Variants in MILR1 observed in about 807,000 individuals in gnomAD.
The protein encoded by MILR1 is mast cell immunoglobulin like receptor 1.
MILR1 carries 31 observed loss-of-function variants against 18.5 expected under a neutral mutation model. That is an observed-to-expected ratio of 1.68 (90% CI 1.26 to 2.26). The LOEUF (loss-of-function observed/expected upper bound fraction) is 2.26, where lower values mean the gene tolerates loss of function less well. MILR1 is among the 30% of genes most tolerant of loss of function. The probability of loss-of-function intolerance (pLI) is 0.00; values close to 1 mark genes in which losing one functional copy is unlikely to be tolerated. For missense variants in MILR1, 257 were observed against 157.4 expected (o/e 1.63, Z -3.38); for synonymous variants, 85 against 56.2 (o/e 1.51, Z -2.30).
chr17:64,480,782 A>G, the MILR1 span, among the ~76,000 whole-genome samples: 1 of 152,174 alleles, frequency 6.6e-6, no homozygotes, highest in Non-Finnish European at 1.5e-5. Flanking sequence ...GCCCTAGGTT[A>G]TACCACCAAG....
At chr17:64,461,219 G>T in intron 5 of MILR1, among the ~76,000 whole-genome samples, 1 of 151,966 alleles carries the variant, frequency 6.6e-6, no homozygotes, top group South Asian at 2.1e-4. Flanking sequence ...GTGCCAAGAA[G>T]AACTCCACAT....
chr17:64,487,343 G>A, the MILR1 span: 1 of 152,220 alleles, frequency 6.6e-6, no homozygotes, highest in Non-Finnish European at 1.5e-5. Context: ...GCTGGGAGCA[G>A]TGGCTCATGC....
intron 5 of MILR1, among the ~76,000 whole-genome samples, 184 bp downstream of exon 5, chr17:64,461,116 G>C (rs896773707): frequency 5.1e-4 from 78 of 152,238 alleles, no homozygotes; most frequent in African/African-American, 1.8e-3. Context: ...TTCATGCAGA[G>C]GGTAATTCTT....
chr17:64,477,820 A>G, the MILR1 span: 10 of 1,569,244 alleles, frequency 6.4e-6, no homozygotes, highest in African/African-American at 1.4e-5. Context: ...CAAATATAAA[A>G]ATCTATACAT....
At chr17:64,482,119 T>TTTTTC in the MILR1 span, among the ~76,000 whole-genome samples, 1 of 145,186 alleles carries the variant, frequency 6.9e-6, no homozygotes, top group African/African-American at 2.6e-5. Context: ...TTTTTTTTTT[T>TTTTTC]CTGAAGCAGG....
downstream of MILR1, among the ~76,000 whole-genome samples, chr17:64,469,154 AAAG>A (rs1363070343): frequency 1.3e-5 from 2 of 152,032 alleles, no homozygotes; most frequent in East Asian, 1.9e-4. Context: ...GAAAGAGAGA[AAAG>A]AAGAGAAACA....
At chr17:64,470,742 G>A (rs1483354901), downstream of MILR1, among the ~76,000 whole-genome samples, 2 of 152,142 alleles carry the variant, frequency 1.3e-5, no homozygotes, top group African/African-American at 4.8e-5. Flanking sequence ...CCTTCCAGCT[G>A]GCTGTGATAA....
downstream of MILR1, among the ~76,000 whole-genome samples, chr17:64,472,465 C>CA (rs71158332): frequency 0.13 from 1,749 of 13,888 alleles, 577 homozygotes; most frequent in Non-Finnish European, 0.23. Context: ...GACTCCATCT[C>CA]AAAAAAAAAA....
At chr17:64,475,785 C>A in the MILR1 span, among the ~76,000 whole-genome samples, 2 of 147,786 alleles carry the variant, frequency 1.4e-5, no homozygotes, top group African/African-American at 5.0e-5. Context: ...AAAAAAGAAA[C>A]AAACAGACAC....
In MILR1 at chr17:64,465,447, C is replaced by A; in HGVS notation, c.764-5C>A. On this transcript the variant is annotated splice_polypyrimidine_tract_variant and splice_region_variant and intron_variant, in intron 5 of 9. Coordinates refer to ENST00000619286, the MANE Select transcript of MILR1 (RefSeq NM_001085423.2). ...TAATTTGATGATTCCTACCTATTTA[C>A]GTAGGAAAAGCTATGAGAAATAATG... 1 of 1,571,146 alleles carries A rather than the reference C, an allele frequency of 6.4e-7. No individual in the cohort carries two copies. The highest frequency in any genetic ancestry group is 8.7e-7 in the Non-Finnish European group (1 of 1,145,618).
At chr17:64,467,901 C>A in intron 9 of MILR1, 1 of 273,268 alleles carries the variant, frequency 3.7e-6, no homozygotes, top group Non-Finnish European at 6.6e-6. Context: ...TGCCACTGCA[C>A]TACAGCCTGG....
intron 5 of MILR1, among the ~76,000 whole-genome samples, chr17:64,461,239 GTTTA>G (rs1254231430): frequency 3.3e-5 from 5 of 151,842 alleles, no homozygotes; most frequent in African/African-American, 7.3e-5. Flanking sequence ...TTTGGTATTT[GTTTA>G]TTTATTTATT....
At chr17:64,451,721 T>C (rs915801562) in intron 2 of MILR1, among the ~76,000 whole-genome samples, 3 of 151,734 alleles carry the variant, frequency 2.0e-5, no homozygotes, top group Admixed American at 1.3e-4. Flanking sequence ...TCACTTGAGG[T>C]CAGGAGTTCA....
At chr17:64,457,899 C>T (rs1482475759) in intron 4 of MILR1, among the ~76,000 whole-genome samples, 8 of 152,116 alleles carry the variant, frequency 5.3e-5, no homozygotes, top group Non-Finnish European at 1.2e-4. Flanking sequence ...GCTGGCAGAT[C>T]ACTTGAAGGG....
At chr17:64,478,248 A>G in the MILR1 span, among the ~76,000 whole-genome samples, 1 of 152,186 alleles carries the variant, frequency 6.6e-6, no homozygotes, top group Non-Finnish European at 1.5e-5. Flanking sequence ...GTACCTCAAC[A>G]CATCATTTGG....
Position 64,452,837 on chromosome 17 carries a change from A to G in MILR1, c.338A>G (p.Tyr113Cys). 2.1e-6 allele frequency: 1 copy of G among 475,246 alleles called. No homozygotes were observed. Among genetic ancestry groups the G allele is most frequent in the Non-Finnish European group, 3.9e-6 (1 of 259,006 alleles). The allele number at this position is 475,246 out of a possible 1,614,324, so 29.4% of individuals were successfully genotyped here. A position where few individuals can be genotyped will look rare whatever the true frequency, so the allele number is the denominator to read the frequency against. The change falls in exon 3 of 10, where the codon TAC (tyrosine) becomes TGC (cysteine). Residue 113 changes from tyrosine to cysteine, a missense_variant. By Grantham distance (194) the Tyr-to-Cys change is radical (BLOSUM62 -2). Transcript: ENST00000619286. ...CKAQVTSCSKYSRDFSFTIVD... is the reference protein window; with the variant it reads ...CKAQVTSCSKCSRDFSFTIVD... Reference sequence around the variant, plus strand: ...GCCCAAGTTACCAGCTGTTCAAAATACAGTCGTGACTTCAGCTTCACGATT... The same window carrying G: ...GCCCAAGTTACCAGCTGTTCAAAATGCAGTCGTGACTTCAGCTTCACGATT...
At chr17:64,491,777 C>A in the MILR1 span, 1 of 618,576 alleles carries the variant, frequency 1.6e-6, no homozygotes, top group East Asian at 3.4e-5. Flanking sequence ...AGCGGCTATG[C>A]AAGTACCACT....
At chr17:64,485,963 C>G in the MILR1 span, 6 of 1,249,016 alleles carry the variant, frequency 4.8e-6, no homozygotes, top group East Asian at 1.4e-4. Context: ...CCTGGCCAGG[C>G]TGGAGTGCAG....
chr17:64,461,578 A>T (rs2037433629), intron 5 of MILR1, among the ~76,000 whole-genome samples: 1 of 152,024 alleles, frequency 6.6e-6, no homozygotes, highest in Non-Finnish European at 1.5e-5. Flanking sequence ...AATTTTTTGT[A>T]CGCTCTTTTA....
Sources: allele counts gnomAD v4.1 joint callset (sites outside exome capture counted in the v4.1 genomes callset), GRCh38; gene constraint gnomAD v4.1.1; transcripts MANE v1.5; gene names NCBI Gene and HGNC (gene_info 2026-07-23, HGNC 2026-07-21).